RB1: variants seen among roughly 807,000 people sequenced by gnomAD.
RB1 encodes retinoblastoma-associated protein.
A neutral mutation model predicts 135.4 loss-of-function variants in RB1; 18 were observed. That is an observed-to-expected ratio of 0.13 (90% CI 0.09 to 0.20). The LOEUF (loss-of-function observed/expected upper bound fraction) is 0.20. Among genes scored for constraint, RB1 ranks in the 10% least tolerant of loss-of-function variants. The probability of loss-of-function intolerance (pLI) is 1.00; values close to 1 mark genes in which losing one functional copy is unlikely to be tolerated. For synonymous variants in RB1, 365 were observed against 373.2 expected (o/e 0.98, Z 0.25); for missense variants, 868 against 1,110.0 (o/e 0.78, Z 3.10).
chr13:48,418,283 G>A (rs1948948036), intron 17 of RB1, among the ~76,000 whole-genome samples: 1 of 152,082 alleles, frequency 6.6e-6, no homozygotes, highest in African/African-American at 2.4e-5. Flanking sequence ...GCCAAACTAA[G>A]CTTCATAAGT....
At chr13:48,473,529 T>C (rs1318749736) in intron 24 of RB1, 139 bp downstream of exon 24, 3 of 686,132 alleles carry the variant, frequency 4.4e-6, no homozygotes, top group South Asian at 3.6e-5. Flanking sequence ...TTATGAGATA[T>C]ATATATCTCA....
chr13:48,364,673 T>C (rs1279265139), intron 8 of RB1, among the ~76,000 whole-genome samples: 1 of 152,144 alleles, frequency 6.6e-6, no homozygotes, highest in Non-Finnish European at 1.5e-5. Context: ...TTTGAAGCTG[T>C]AATGCATGTG....
chr13:48,340,671 A>T (rs1468113436), intron 2 of RB1: 1 of 176,880 alleles, frequency 5.7e-6, no homozygotes, highest in Non-Finnish European at 1.2e-5. Context: ...CCAAAATGGT[A>T]AGAAATAAGC....
intron 17 of RB1, among the ~76,000 whole-genome samples, chr13:48,395,180 A>C (rs542300665): frequency 2.6e-5 from 4 of 152,220 alleles, no homozygotes; most frequent in Non-Finnish European, 5.9e-5. Context: ...GAGAACTAAC[A>C]AACAGAAATG....
chr13:48,308,744 T>C (rs1952107701), intron 2 of RB1, among the ~76,000 whole-genome samples: 1 of 152,150 alleles, frequency 6.6e-6, no homozygotes, highest in African/African-American at 2.4e-5. Context: ...TCTTTTTTTA[T>C]GTGTAAAATG....
intron 2 of RB1, among the ~76,000 whole-genome samples, chr13:48,311,775 G>A (rs1258297396): frequency 3.3e-5 from 5 of 152,098 alleles, no homozygotes; most frequent in Admixed American, 6.5e-5. Flanking sequence ...GCACGATCTC[G>A]GCTCACTGCA....
At chr13:48,387,741 A>G (rs926246662) in intron 17 of RB1, among the ~76,000 whole-genome samples, 6 of 152,172 alleles carry the variant, frequency 3.9e-5, no homozygotes, top group Non-Finnish European at 7.4e-5. Flanking sequence ...TTCTGTTTTA[A>G]TTAAATTTTA....
At chr13:48,313,608 TC>T (rs1200766515) in intron 2 of RB1, among the ~76,000 whole-genome samples, 2 of 151,648 alleles carry the variant, frequency 1.3e-5, no homozygotes, top group African/African-American at 4.8e-5. Flanking sequence ...TATCCAGTTG[TC>T]TCTGCACCAC....
intron 17 of RB1, among the ~76,000 whole-genome samples, chr13:48,450,444 T>C (rs1949319845): frequency 6.6e-6 from 1 of 152,206 alleles, no homozygotes; most frequent in South Asian, 2.1e-4. Flanking sequence ...CTTGTTTTTG[T>C]CAGGTTTGTC....
intron 3 of RB1, among the ~76,000 whole-genome samples, 164 bp downstream of exon 3, chr13:48,342,878 G>A (rs921177782): frequency 3.3e-5 from 5 of 152,070 alleles, no homozygotes; most frequent in African/African-American, 1.2e-4. Flanking sequence ...GAGCCGTTAT[G>A]AAAGTGTATT....
At chr13:48,465,822 T>G (rs1235489241) in intron 23 of RB1, among the ~76,000 whole-genome samples, 1 of 150,972 alleles carries the variant, frequency 6.6e-6, no homozygotes, top group African/African-American at 2.4e-5. Flanking sequence ...ATCGGGTCAC[T>G]CCCACCCGAA....
Position 48,456,196 on chromosome 13 carries a change from A to C in RB1, c.1815-8A>C, listed in dbSNP as rs1212283121. 2 of 1,613,898 alleles carry C rather than the reference A, an allele frequency of 1.2e-6. No homozygotes were observed. Among genetic ancestry groups the C allele is most frequent in the African/African-American group, 2.7e-5 (2 of 74,926 alleles). ...TGAAATGAAGACTTTTCCTTTAAAT[A>C]TATCTAGGTATCTTTCTCCTGTAAG... On this transcript the variant is annotated splice_polypyrimidine_tract_variant and splice_region_variant and intron_variant, in intron 18 of 26. Transcript: ENST00000267163.
At chr13:48,466,638 G>A (rs1476617168) in intron 23 of RB1, among the ~76,000 whole-genome samples, 1 of 146,560 alleles carries the variant, frequency 6.8e-6, no homozygotes, top group Non-Finnish European at 1.5e-5. Flanking sequence ...CAAACCAAAG[G>A]CAAAGAAGTT....
intron 2 of RB1, chr13:48,318,932 G>A: frequency 9.1e-7 from 1 of 1,100,736 alleles, no homozygotes; most frequent in Non-Finnish European, 1.4e-6. Flanking sequence ...GTCAGAGCGG[G>A]AAGGCACGTT....
chr13:48,363,286 C>T (rs1455202393), intron 8 of RB1, among the ~76,000 whole-genome samples: 2 of 151,622 alleles, frequency 1.3e-5, no homozygotes, highest in Admixed American at 1.3e-4. Context: ...CATGGTGGCT[C>T]ACACCTGTAA....
intron 2 of RB1, among the ~76,000 whole-genome samples, chr13:48,341,810 T>C (rs772568782): frequency 2.6e-5 from 4 of 152,026 alleles, no homozygotes; most frequent in Admixed American, 6.6e-5. Context: ...TTTAGCTCTA[T>C]TGTAATCTCC....
intron 17 of RB1, among the ~76,000 whole-genome samples, chr13:48,391,838 C>T (rs138767758): frequency 0.01 from 1,547 of 152,100 alleles, 17 homozygotes; most frequent in Non-Finnish European, 0.015. Context: ...AGGCTGGTCT[C>T]GAACTCCTGA....
intron 17 of RB1, among the ~76,000 whole-genome samples, chr13:48,446,127 T>C (rs1949285717): frequency 6.6e-6 from 1 of 152,024 alleles, no homozygotes; most frequent in African/African-American, 2.4e-5. Context: ...CCGGCTAATT[T>C]TTATATTTTT....
At chr13:48,466,575 T>C (rs1448979204) in intron 23 of RB1, among the ~76,000 whole-genome samples, 1 of 152,048 alleles carries the variant, frequency 6.6e-6, no homozygotes, top group Non-Finnish European at 1.5e-5. Flanking sequence ...TTTGACGAGC[T>C]GAGAGAAGAA....
Sources: gnomAD v4.1 joint callset for allele counts (sites outside exome capture counted in the v4.1 genomes callset) on GRCh38, gnomAD v4.1.1 for gene constraint, MANE v1.5 for transcripts, NCBI Gene and HGNC (gene_info 2026-07-23, HGNC 2026-07-21) for gene names.